Variants in GTF3C3 observed in about 807,000 individuals in gnomAD.
GTF3C3 encodes general transcription factor 3C polypeptide 3.
GTF3C3 carries 75 observed loss-of-function variants against 105.2 expected under a neutral mutation model. That is an observed-to-expected ratio of 0.71 (90% confidence interval 0.59 to 0.86). The LOEUF (loss-of-function observed/expected upper bound fraction) is 0.86. GTF3C3 is among the 40% of genes least tolerant of loss of function. The pLI is 0.00. For missense variants in GTF3C3, 856 were observed against 1,076.5 expected, an observed-to-expected ratio of 0.80 and a Z score of 2.87; for synonymous variants, 335 against 370.4, an observed-to-expected ratio of 0.90 and a Z score of 1.10.
intron 6 of GTF3C3, among the ~76,000 whole-genome samples, chr2:196,788,901 C>CA (rs111889750): frequency 1.3e-4 from 19 of 150,952 alleles, no homozygotes; most frequent in African/African-American, 2.2e-4. Flanking sequence ...CCTGTCTCTA[C>CA]AAAAAAAAAT....
chr2:196,772,549 AAATAAT>A (rs372903837), intron 14 of GTF3C3, among the ~76,000 whole-genome samples: 3,003 of 152,084 alleles, frequency 0.02, 54 homozygotes, highest in Middle Eastern at 0.038. Context: ...ACTCCATCTC[AAATAAT>A]AATAATAATT....
Position 196,771,404 on chromosome 2 carries a change from G to A in GTF3C3, c.2260+344C>T, listed in dbSNP as rs557893300. ...GCCTAAGCAGGGAGAATTGTTGACC[G>A]TTAAAATGAATTTTATAAGACCTGT... is the stretch of plus-strand genomic sequence containing the variant. On this transcript the variant is annotated intron_variant, in intron 15 of 17. Transcript: ENST00000263956. 1.7e-3 allele frequency among the ~76,000 whole-genome samples: 255 copies of A among 152,238 alleles called. 1 individual carries two copies. The highest frequency in any genetic ancestry group is 2.1e-3 in the Non-Finnish European group (144 of 68,010).
At chr2:196,781,387 T>TATATATATATATATAA in intron 8 of GTF3C3, among the ~76,000 whole-genome samples, 2 of 119,480 alleles carry the variant, frequency 1.7e-5, no homozygotes, top group African/African-American at 6.3e-5. Context: ...TATATATATA[T>TATATATATATATATAA]AAAATTAAAT....
At chr2:196,782,339 T>G (rs1699381111) in intron 8 of GTF3C3, among the ~76,000 whole-genome samples, 2 of 144,046 alleles carry the variant, frequency 1.4e-5, no homozygotes, top group Non-Finnish European at 3.0e-5. Context: ...TTACCCAGTC[T>G]AAGGTCTTTT....
intron 10 of GTF3C3, among the ~76,000 whole-genome samples, chr2:196,777,413 C>CA (rs1351693301): frequency 6.6e-6 from 1 of 152,188 alleles, no homozygotes; most frequent in African/African-American, 2.4e-5. Context: ...TCAAACTTTA[C>CA]ACCCAATCAG....
chr2:196,798,728 GGCAGGCGCCTGTA>G (rs917084162), intron 1 of GTF3C3, among the ~76,000 whole-genome samples: 8 of 151,688 alleles, frequency 5.3e-5, no homozygotes, highest in Non-Finnish European at 2.9e-5. Context: ...CGGGCATGGT[GGCAGGCGCCTGTA>G]GTCCCAGCTA....
intron 1 of GTF3C3, among the ~76,000 whole-genome samples, chr2:196,798,683 G>A (rs1699692427): frequency 6.6e-6 from 1 of 152,004 alleles, no homozygotes; most frequent in Non-Finnish European, 1.5e-5. Flanking sequence ...CCAACATGGT[G>A]AAACCCCGTC....
chr2:196,787,209 C>T (rs1351010580), intron 6 of GTF3C3, among the ~76,000 whole-genome samples: 2 of 152,066 alleles, frequency 1.3e-5, no homozygotes, highest in African/African-American at 2.4e-5. Context: ...TCCTGGTCCA[C>T]GTTACCATTT....
intron 9 of GTF3C3, 88 bp downstream of exon 9, chr2:196,780,471 T>A (rs1699328301): frequency 1.4e-6 from 2 of 1,446,242 alleles, no homozygotes; most frequent in Non-Finnish European, 1.8e-6. Context: ...TGTGAAACTC[T>A]AGGGTCAAGT....
chr2:196,799,271 G>T, intron 1 of GTF3C3: 1 of 471,284 alleles, frequency 2.1e-6, no homozygotes, highest in East Asian at 3.7e-5. Context: ...TAAAAACGTA[G>T]TATTGGGGGA....
At position 196,786,107 on chromosome 2, in the gene GTF3C3, A is replaced by C. The variant is rs554699658; in HGVS notation, c.894-519T>G. Among the ~76,000 whole-genome samples the C allele has an allele frequency of 6.6e-6, 1 of 152,252 alleles. No individual in the cohort carries two copies. Among genetic ancestry groups the C allele is most frequent in the Non-Finnish European group, 1.5e-5 (1 of 68,004 alleles). Reference sequence around the variant, plus strand: ...TGACCATGTTGACTGGTCTCACTCTAAACTGATGACCAATAGCCTCAAGCA... The same window carrying C: ...TGACCATGTTGACTGGTCTCACTCTCAACTGATGACCAATAGCCTCAAGCA... On this transcript the variant is annotated intron_variant, in intron 6 of 17. Coordinates refer to ENST00000263956, the MANE Select transcript of GTF3C3 (RefSeq NM_012086.5). This position sits in a 1 kb window ranked among gnomAD's most constrained non-coding sequence, Gnocchi z 4.2.
In GTF3C3 at chr2:196,798,329, G is replaced by A. The variant is rs573493522; in HGVS notation, c.103-421C>T. On this transcript the variant is annotated intron_variant, in intron 1 of 17. Coordinates refer to ENST00000263956, the MANE Select transcript of GTF3C3 (RefSeq NM_012086.5). Reference sequence around the variant, plus strand: ...CCCTTGAGCTCAGGAGTTTGAGACCGGCCTGGGCAACATGAAGAAACCCTG... The same window carrying A: ...CCCTTGAGCTCAGGAGTTTGAGACCAGCCTGGGCAACATGAAGAAACCCTG... Among the ~76,000 whole-genome samples, 14 of 151,408 alleles carry A rather than the reference G, an allele frequency of 9.2e-5. No individual in the cohort carries two copies. In the South Asian group the frequency reaches 1.5e-3, roughly 16 times the overall value.
chr2:196,773,275 T>C (rs1699208142), intron 13 of GTF3C3, 122 bp from the exon 14 acceptor site: 4 of 678,382 alleles, frequency 5.9e-6, no homozygotes, highest in African/African-American at 1.8e-5. Flanking sequence ...TTGTTGCCAG[T>C]GCTCTCCGGA....
chr2:196,797,672 C>T (rs951268451), intron 2 of GTF3C3, 125 bp downstream of exon 2: 3 of 638,304 alleles, frequency 4.7e-6, no homozygotes, highest in Non-Finnish European at 8.6e-6. Flanking sequence ...ACCAAGCATT[C>T]TGTTCCTGAA....
At chr2:196,785,112 A>G (rs1447785957) in intron 7 of GTF3C3, among the ~76,000 whole-genome samples, 183 bp from the exon 8 acceptor site, 1 of 152,168 alleles carries the variant, frequency 6.6e-6, no homozygotes, top group African/African-American at 2.4e-5. Flanking sequence ...TAACTAATGC[A>G]AACTCAATGT....
chr2:196,790,123 T>A, intron 4 of GTF3C3, 53 bp from the exon 5 acceptor site: 1 of 1,172,740 alleles, frequency 8.5e-7, no homozygotes, highest in Non-Finnish European at 1.2e-6. Context: ...AGGCTTGAGT[T>A]GATGTCCATC....
At chr2:196,768,576 A>G (rs1428731532) in intron 16 of GTF3C3, among the ~76,000 whole-genome samples, 3 of 152,170 alleles carry the variant, frequency 2.0e-5, no homozygotes, top group Non-Finnish European at 4.4e-5. Context: ...AGAAAGAAAA[A>G]TAAGAGAAAT....
Position 196,764,656 on chromosome 2 carries a change from T to C in GTF3C3, c.2568A>G (p.Arg856=). The C allele has an allele frequency of 6.2e-7, 1 of 1,612,216 alleles. No homozygotes were observed. Among genetic ancestry groups the C allele is most frequent in the Non-Finnish European group, 8.5e-7 (1 of 1,178,314 alleles). ...EGIELDQLDL[R]RDIAYNLSLI... ...GAGACAAGTTGTAGGCAATATCTCT[T>C]CGTAAGTCTAACTGGTCAAGTTCTA... is the stretch of plus-strand genomic sequence containing the variant. The change falls in exon 18 of 18, where the codon CGA becomes CGG. Residue 856 remains arginine (R), a synonymous_variant. Transcript: ENST00000263956.
intron 17 of GTF3C3, among the ~76,000 whole-genome samples, chr2:196,766,273 C>T (rs191358217): frequency 6.6e-6 from 1 of 152,194 alleles, no homozygotes; most frequent in East Asian, 1.9e-4. Context: ...TCACAATATT[C>T]TTCACTATTC....
Sources: allele counts gnomAD v4.1 joint callset (sites outside exome capture counted in the v4.1 genomes callset), GRCh38; gene constraint gnomAD v4.1.1; non-coding constraint Gnocchi (gnomAD v3.1); transcripts MANE v1.5; gene names NCBI Gene and HGNC (gene_info 2026-07-23, HGNC 2026-07-21).